SCAF8: variants seen among roughly 807,000 people sequenced by gnomAD.
SCAF8 encodes the protein SR-related and CTD-associated factor 8.
A neutral mutation model predicts 140.5 loss-of-function variants in SCAF8; 23 were observed. The observed-to-expected ratio is 0.16, with a 90% CI of 0.12 to 0.23. The LOEUF (loss-of-function observed/expected upper bound fraction) is 0.23. SCAF8 is among the 10% of genes least tolerant of loss of function. The pLI, the probability that SCAF8 is intolerant of heterozygous loss-of-function variation, is 1.00. For missense variants in SCAF8, 1,397 were observed against 1,555.7 expected, an observed-to-expected ratio of 0.90 and a Z score of 1.72; for synonymous variants, 575 against 528.9, an observed-to-expected ratio of 1.09 and a Z score of -1.20.
At chr6:154,735,484 CATTG>C (rs1778390572) in intron 1 of SCAF8, among the ~76,000 whole-genome samples, 1 of 148,428 alleles carries the variant, frequency 6.7e-6, no homozygotes. Flanking sequence ...TTATTTTTAA[CATTG>C]ATAAATTAGA....
chr6:154,810,261 G>C, intron 12 of SCAF8, 53 bp downstream of exon 12: 1 of 1,343,894 alleles, frequency 7.4e-7, no homozygotes, highest in South Asian at 1.4e-5. Flanking sequence ...TTAAAAAATA[G>C]TTATCTGCTA....
intron 5 of SCAF8, among the ~76,000 whole-genome samples, 192 bp from the exon 6 acceptor site, chr6:154,794,817 G>C: frequency 7.7e-6 from 1 of 129,766 alleles, no homozygotes; most frequent in Non-Finnish European, 1.6e-5. Context: ...GTGTGTGTGT[G>C]TGTGTGTGTG....
At position 154,820,179 on chromosome 6, in the gene SCAF8, C is replaced by A; in HGVS notation, c.1638C>A (p.Ile546=). ...TTTCCTCTTCCCATTTACAATAGAT[C>A]GCTTGGGCTTTAAACAAAGGTGTAA... The part of the protein sequence containing the change: ...SYKIGSKVIK[I]AWALNKGVKT... Residue 546 remains isoleucine (I), a splice_region_variant and synonymous_variant, in exon 15 of 20, where the codon ATC becomes ATA. Coordinates refer to ENST00000367178, the MANE Select transcript of SCAF8 (RefSeq NM_014892.5). 6.3e-7 allele frequency: 1 copy of A among 1,583,550 alleles called. No individual in the cohort carries two copies.
chr6:154,803,853 A>G (rs973535018), intron 8 of SCAF8, among the ~76,000 whole-genome samples: 1 of 152,208 alleles, frequency 6.6e-6, no homozygotes, highest in Non-Finnish European at 1.5e-5. Context: ...ACATTGATAC[A>G]TATTGGTAAA....
Position 154,820,111 on chromosome 6 carries a change from C to G in SCAF8, c.1636-66C>G, listed in dbSNP as rs529866712. 5.3e-4 allele frequency: 697 copies of G among 1,303,402 alleles called. 5 individuals carry two copies. The African/African-American group carries it at 0.01, about 19-fold the overall frequency. 80.7% of individuals were successfully genotyped at this position (1,303,402 alleles called of 1,614,324 possible). A position where few individuals can be genotyped will look rare whatever the true frequency, so the allele number is the denominator to read the frequency against. ...TACATTGTTTAAATAAAATTTTGAA[C>G]TTTTTACCTTGTTTTTATAGTATGT... On this transcript the variant is annotated intron_variant, in intron 14 of 19. Transcript: ENST00000367178.
intron 1 of SCAF8, among the ~76,000 whole-genome samples, chr6:154,773,767 A>G (rs1776842344): frequency 6.6e-6 from 1 of 152,162 alleles, no homozygotes; most frequent in East Asian, 1.9e-4. Flanking sequence ...ATCCTTGCTT[A>G]CACTTGTTAC....
intron 4 of SCAF8, among the ~76,000 whole-genome samples, chr6:154,789,280 T>G (rs1171945094): frequency 1.3e-5 from 2 of 151,628 alleles, no homozygotes; most frequent in Admixed American, 6.6e-5. Context: ...GGCTAATTTT[T>G]TTTTGTATTT....
chr6:154,781,156 A>G lies in SCAF8; in HGVS notation c.159+3111A>G, dbSNP rs182123311. 2.3e-4 allele frequency among the ~76,000 whole-genome samples: 35 copies of G among 152,288 alleles called. No homozygotes were observed. In the East Asian group the frequency reaches 4.2e-3, roughly 18 times the overall value. Reference sequence around the variant, plus strand: ...AGCGAAGTCTCAGGATACAAAATCAATGTGCAAAAATCACAAGCATTCCTA... The same window carrying G: ...AGCGAAGTCTCAGGATACAAAATCAGTGTGCAAAAATCACAAGCATTCCTA... On this transcript the variant is annotated intron_variant, in intron 3 of 19. Coordinates refer to ENST00000367178, the MANE Select transcript of SCAF8 (RefSeq NM_014892.5).
chr6:154,817,164 T>C (rs1276787675), intron 13 of SCAF8, among the ~76,000 whole-genome samples: 2 of 152,230 alleles, frequency 1.3e-5, no homozygotes, highest in Non-Finnish European at 2.9e-5. Context: ...ATCAGTAATA[T>C]GTCCTGACAT....
chr6:154,793,014 C>T (rs372727295), intron 5 of SCAF8, 38 bp downstream of exon 5: 2 of 1,493,814 alleles, frequency 1.3e-6, no homozygotes, highest in Non-Finnish European at 9.0e-7. Context: ...TCTAAATATT[C>T]TACTCATACT....
At chr6:154,812,285 A>C (rs1195133996) in intron 12 of SCAF8, among the ~76,000 whole-genome samples, 1 of 45,016 alleles carries the variant, frequency 2.2e-5, no homozygotes, top group Non-Finnish European at 4.5e-5. Flanking sequence ...CTTTGTCTCT[A>C]TGTCAGCTTT....
chr6:154,734,092 C>T (rs1778341753), intron 1 of SCAF8, among the ~76,000 whole-genome samples, 162 bp downstream of exon 1: 1 of 152,132 alleles, frequency 6.6e-6, no homozygotes, highest in South Asian at 2.1e-4. Flanking sequence ...CCTCTGGGTG[C>T]CCCTCCCCCG....
rs1355844540 is a variant in SCAF8 at position 154,831,111 on chromosome 6, A to G, written c.2330A>G (p.Gln777Arg). The G allele has an allele frequency of 1.2e-6, 2 of 1,611,536 alleles. No individual in the cohort carries two copies. Among genetic ancestry groups the G allele is most frequent in the Non-Finnish European group, 1.7e-6 (2 of 1,178,026 alleles). Residue 777 changes from glutamine to arginine, a missense_variant, in exon 19 of 20, where the codon CAG becomes CGG. Gln to Arg is a conservative substitution (Grantham distance 43). Coordinates refer to ENST00000367178, the MANE Select transcript of SCAF8 (RefSeq NM_014892.5). ...AAAGTACCTCATCTTATAGACCACC[A>G]GATTTCTTCTGGTGAAAACACCAGA... The part of the protein sequence containing the change: ...EEKVPHLIDH[Q>R]ISSGENTRSV...
chr6:154,750,311 T>C (rs943227975), intron 1 of SCAF8, among the ~76,000 whole-genome samples: 9 of 152,118 alleles, frequency 5.9e-5, no homozygotes, highest in African/African-American at 2.2e-4. Context: ...TAACTAAATA[T>C]ATGGGTTGGG....
chr6:154,810,234 T>C, intron 12 of SCAF8, 26 bp downstream of exon 12: 1 of 1,482,530 alleles, frequency 6.7e-7, no homozygotes, highest in Non-Finnish European at 9.1e-7. Context: ...CTGCAACGCT[T>C]TGGTTTCAAT....
At chr6:154,773,031 A>C (rs1419686237) in intron 1 of SCAF8, among the ~76,000 whole-genome samples, 1 of 152,194 alleles carries the variant, frequency 6.6e-6, no homozygotes, top group Middle Eastern at 3.2e-3. Context: ...AAGTGCTGGA[A>C]TTACAGGCAT....
intron 9 of SCAF8, among the ~76,000 whole-genome samples, chr6:154,805,841 T>C (rs2114905470): frequency 6.6e-6 from 1 of 152,296 alleles, no homozygotes; most frequent in African/African-American, 2.4e-5. Flanking sequence ...TTTTTCTCTC[T>C]GTTCCCTATC....
intron 3 of SCAF8, among the ~76,000 whole-genome samples, chr6:154,785,643 T>C (rs1777230393): frequency 6.6e-6 from 1 of 151,888 alleles, no homozygotes. Flanking sequence ...TATCACTTTT[T>C]AGTAGCTGCA....
intron 14 of SCAF8, among the ~76,000 whole-genome samples, chr6:154,819,316 G>A (rs1174026343): frequency 6.6e-6 from 1 of 152,168 alleles, no homozygotes; most frequent in East Asian, 1.9e-4. Context: ...ACCAGGTGTG[G>A]CAGCTCACAC....
Sources: allele counts gnomAD v4.1 joint callset (sites outside exome capture counted in the v4.1 genomes callset), GRCh38; gene constraint gnomAD v4.1.1; transcripts MANE v1.5; gene names NCBI Gene and HGNC (gene_info 2026-07-23, HGNC 2026-07-21).